ST6GALNAC3: variants seen among roughly 807,000 people sequenced by gnomAD.
The protein encoded by ST6GALNAC3 is ST6 N-acetylgalactosaminide alpha-2,6-sialyltransferase 3.
A neutral mutation model predicts 32.7 loss-of-function variants in ST6GALNAC3; 25 were observed. The ratio of observed to expected loss-of-function variants is 0.76; its 90% CI spans 0.56 to 1.07. The LOEUF (loss-of-function observed/expected upper bound fraction) is 1.07. ST6GALNAC3 is among the 50% of genes least tolerant of loss of function. The pLI is 0.00. For synonymous variants in ST6GALNAC3, 129 were observed against 133.1 expected (o/e 0.97, Z 0.21); for missense variants, 355 against 382.4 (o/e 0.93, Z 0.60).
In ST6GALNAC3 at chr1:76,462,965, G is replaced by A. The variant is rs11162156; in HGVS notation, c.623+50548G>A. On this transcript the variant is annotated intron_variant, in intron 3 of 4. Transcript: ENST00000328299. Reference sequence around the variant, plus strand: ...TTGGAAAAACACTGTCCTAAATGACGTCCCAGTGTGTGACTTGTGGTCAAA... The same window carrying A: ...TTGGAAAAACACTGTCCTAAATGACATCCCAGTGTGTGACTTGTGGTCAAA... Among the ~76,000 whole-genome samples the A allele has an allele frequency of 6.4e-3, 977 of 152,212 alleles. 6 individuals carry two copies. The highest frequency in any genetic ancestry group is 0.011 in the Non-Finnish European group (748 of 68,016).
chr1:76,368,240 T>C (rs1195370394), intron 2 of ST6GALNAC3, among the ~76,000 whole-genome samples: 4 of 152,170 alleles, frequency 2.6e-5, no homozygotes, highest in Non-Finnish European at 5.9e-5. Context: ...AATGAATGAA[T>C]GTGGCTGTGT....
chr1:76,303,145 C>T lies in ST6GALNAC3; in HGVS notation c.19-10660C>T, dbSNP rs111250140. Among the ~76,000 whole-genome samples, 490 of 144,908 alleles carry T rather than the reference C, an allele frequency of 3.4e-3. 3 individuals are homozygous for T. The highest frequency in any genetic ancestry group is 0.014 in the Middle Eastern group (4 of 282). On this transcript the variant is annotated intron_variant, in intron 1 of 4. Transcript: ENST00000328299. ...CCAATCAGAGGCTAAAGTGATGTTACAAAGTTACATTTCTATGCAAACGAA... is the reference window on the plus strand; with the variant it reads ...CCAATCAGAGGCTAAAGTGATGTTATAAAGTTACATTTCTATGCAAACGAA...
At chr1:76,537,215 T>A (rs774512881) in intron 3 of ST6GALNAC3, among the ~76,000 whole-genome samples, 1 of 151,534 alleles carries the variant, frequency 6.6e-6, no homozygotes, top group Non-Finnish European at 1.5e-5. Context: ...CATGGAAATT[T>A]GAATGACTCC....
intron 1 of ST6GALNAC3, among the ~76,000 whole-genome samples, chr1:76,198,062 G>T (rs560225384): frequency 2.0e-5 from 3 of 152,128 alleles, no homozygotes; most frequent in African/African-American, 7.2e-5. Flanking sequence ...TTCTGAGACA[G>T]GGTCTCACTG....
chr1:76,379,145 C>T (rs1253006586), intron 2 of ST6GALNAC3, among the ~76,000 whole-genome samples: 1 of 152,192 alleles, frequency 6.6e-6, no homozygotes, highest in Non-Finnish European at 1.5e-5. Flanking sequence ...ATCCACCTGC[C>T]TCGGCCTCCC....
chr1:76,531,055 G>A (rs1203801146), intron 3 of ST6GALNAC3, among the ~76,000 whole-genome samples: 6 of 152,184 alleles, frequency 3.9e-5, no homozygotes, highest in Non-Finnish European at 8.8e-5. Flanking sequence ...TAGAGAAAGT[G>A]AGTGATCTGC....
At chr1:76,635,820 G>A (rs1649490624), downstream of ST6GALNAC3, among the ~76,000 whole-genome samples, 1 of 152,028 alleles carries the variant, frequency 6.6e-6, no homozygotes, top group Admixed American at 6.6e-5. Flanking sequence ...ATCTTGTGCT[G>A]GAAGGTTTTA....
At chr1:76,573,664 C>T (rs1570328085) in intron 3 of ST6GALNAC3, among the ~76,000 whole-genome samples, 3 of 147,662 alleles carry the variant, frequency 2.0e-5, no homozygotes, top group Non-Finnish European at 3.0e-5. Flanking sequence ...CTTTCTTCTC[C>T]TTTTTTTTTT....
chr1:76,495,822 C>A (rs189078425), intron 3 of ST6GALNAC3, among the ~76,000 whole-genome samples: 4 of 152,096 alleles, frequency 2.6e-5, no homozygotes, highest in African/African-American at 4.8e-5. Context: ...AACTACAGAA[C>A]GAAATGGTAA....
At chr1:76,376,017 C>T (rs2101095601) in intron 2 of ST6GALNAC3, among the ~76,000 whole-genome samples, 1 of 152,022 alleles carries the variant, frequency 6.6e-6, no homozygotes, top group Non-Finnish European at 1.5e-5. Context: ...GTGGTTACCC[C>T]TAGTGAAGGG....
chr1:76,309,837 T>C (rs1646722711), intron 1 of ST6GALNAC3: 1 of 414,886 alleles, frequency 2.4e-6, no homozygotes, highest in Admixed American at 2.6e-5. Flanking sequence ...CCCTTCACCC[T>C]CTCTGTGCTC....
intron 1 of ST6GALNAC3, among the ~76,000 whole-genome samples, chr1:76,169,046 G>A (rs1340669733): frequency 6.6e-6 from 1 of 152,128 alleles, no homozygotes; most frequent in Non-Finnish European, 1.5e-5. Flanking sequence ...GTTTTATAGT[G>A]TGACTGGTCT....
At chr1:76,392,288 A>G (rs757119544) in intron 2 of ST6GALNAC3, among the ~76,000 whole-genome samples, 9 of 152,236 alleles carry the variant, frequency 5.9e-5, no homozygotes, top group Non-Finnish European at 1.2e-4. Context: ...ATCAGTTTCT[A>G]AAGACTAGAT....
At chr1:76,620,689 T>C (rs2100700966) in intron 3 of ST6GALNAC3, among the ~76,000 whole-genome samples, 1 of 152,116 alleles carries the variant, frequency 6.6e-6, no homozygotes, top group South Asian at 2.1e-4. Context: ...CATGTAAAGC[T>C]AATTATCTCC....
chr1:76,282,961 C>T (rs1315879687), intron 1 of ST6GALNAC3, among the ~76,000 whole-genome samples: 1 of 152,092 alleles, frequency 6.6e-6, no homozygotes, highest in Non-Finnish European at 1.5e-5. Flanking sequence ...ATTGCTTGAG[C>T]CCGGGAGGTG....
chr1:76,308,747 A>T (rs78175381), intron 1 of ST6GALNAC3, among the ~76,000 whole-genome samples: 10,855 of 152,234 alleles, frequency 0.071, 554 homozygotes, highest in Middle Eastern at 0.13. Context: ...TGATTGATAC[A>T]TTTTTACTTG....
chr1:76,613,816 G>A (rs2100677310), intron 3 of ST6GALNAC3, among the ~76,000 whole-genome samples: 1 of 152,324 alleles, frequency 6.6e-6, no homozygotes, highest in East Asian at 1.9e-4. Context: ...GGTAGCCCAT[G>A]GAACCATGAG....
chr1:76,398,429 G>C (rs943429085), intron 2 of ST6GALNAC3, among the ~76,000 whole-genome samples: 2 of 151,890 alleles, frequency 1.3e-5, no homozygotes, highest in African/African-American at 4.8e-5. Context: ...TGATGTTTGG[G>C]GTTTTTGGTT....
chr1:76,219,436 T>C lies in ST6GALNAC3; in HGVS notation c.19-94369T>C, dbSNP rs186829050. On this transcript the variant is annotated intron_variant, in intron 1 of 4. Coordinates refer to ENST00000328299, the MANE Select transcript of ST6GALNAC3 (RefSeq NM_152996.4). ...GATTCAGTGGCAAAGGCAGAGCAGG[T>C]GCAGATGCAAACCTCTGGGCTCTTA... Among the ~76,000 whole-genome samples, 18 of 152,330 alleles carry C rather than the reference T, an allele frequency of 1.2e-4. No homozygotes were observed. The East Asian group carries it at 2.9e-3, about 24-fold the overall frequency.
Sources: allele counts gnomAD v4.1 joint callset (sites outside exome capture counted in the v4.1 genomes callset), GRCh38; gene constraint gnomAD v4.1.1; transcripts MANE v1.5; gene names NCBI Gene and HGNC (gene_info 2026-07-23, HGNC 2026-07-21).